IL1RAPL1: variants seen among roughly 807,000 people sequenced by gnomAD.
The protein encoded by IL1RAPL1 is interleukin 1 receptor accessory protein like 1, also known as interleukin-1 receptor accessory protein-like 1.
In IL1RAPL1, 3 loss-of-function variants were observed where a neutral mutation model predicts 48.4. The observed-to-expected ratio is 0.06, with a 90% CI of 0.03 to 0.16. IL1RAPL1 has a LOEUF of 0.16. Ranked by LOEUF, IL1RAPL1 falls within the 10% of genes least tolerant of loss-of-function variation. The pLI, the probability that IL1RAPL1 is intolerant of heterozygous loss-of-function variation, is 1.00. For missense variants in IL1RAPL1, 349 were observed against 530.6 expected (o/e 0.66, Z 3.36); for synonymous variants, 185 against 187.7 (o/e 0.99, Z 0.12).
At chrX:29,654,913 A>C (rs1925629864) in intron 5 of IL1RAPL1, among the ~76,000 whole-genome samples, 1 of 111,929 alleles carries the variant, frequency 8.9e-6, no homozygotes, top group African/African-American at 3.2e-5. Flanking sequence ...TTACTACAAA[A>C]ATTAAAAATA....
intron 5 of IL1RAPL1, among the ~76,000 whole-genome samples, chrX:29,638,838 C>T (rs913869329): frequency 8.9e-6 from 1 of 111,976 alleles, no homozygotes; most frequent in African/African-American, 3.2e-5. Context: ...CTTCTTTGCC[C>T]GCTACTTACA....
chrX:29,146,659 G>A (rs1274449678), intron 2 of IL1RAPL1, among the ~76,000 whole-genome samples: 1 of 111,941 alleles, frequency 8.9e-6, no homozygotes, highest in Admixed American at 9.6e-5. Flanking sequence ...AATATTTTGA[G>A]CACCTTTTAT....
chrX:29,722,862 T>C (rs1428402552), intron 6 of IL1RAPL1, among the ~76,000 whole-genome samples: 6 of 112,458 alleles, frequency 5.3e-5, no homozygotes, highest in Non-Finnish European at 1.1e-4. Context: ...AATTTTCCAT[T>C]CAGAACATAT....
chrX:29,399,591 T>C (rs1296757673), intron 5 of IL1RAPL1, among the ~76,000 whole-genome samples: 1 of 111,088 alleles, frequency 9.0e-6, no homozygotes, highest in Non-Finnish European at 1.9e-5. Context: ...GAGGCCAAGG[T>C]GGGCGAATCA....
At chrX:29,500,958 T>G (rs1026699077) in intron 5 of IL1RAPL1, among the ~76,000 whole-genome samples, 5 of 112,010 alleles carry the variant, frequency 4.5e-5, no homozygotes, top group African/African-American at 1.6e-4. Flanking sequence ...TTGCCAGTGT[T>G]TGTTAGTCCC....
chrX:28,977,496 A>G (rs1044598717), intron 2 of IL1RAPL1, among the ~76,000 whole-genome samples: 1 of 112,082 alleles, frequency 8.9e-6, no homozygotes, highest in Non-Finnish European at 1.9e-5. Flanking sequence ...ACTCTGCCCC[A>G]TGATCCAGTC....
intron 6 of IL1RAPL1, among the ~76,000 whole-genome samples, chrX:29,750,730 A>T (rs1297859442): frequency 8.9e-6 from 1 of 112,119 alleles, no homozygotes; most frequent in Non-Finnish European, 1.9e-5. Flanking sequence ...GATACATTCT[A>T]TAATTACATC....
At chrX:29,015,284 A>G (rs765831455) in intron 2 of IL1RAPL1, among the ~76,000 whole-genome samples, 90 of 111,547 alleles carry the variant, frequency 8.1e-4, no homozygotes, top group Non-Finnish European at 7.4e-4. Context: ...TTTTAACTCT[A>G]TAATGGTAAT....
At chrX:29,604,859 G>A (rs1005837111) in intron 5 of IL1RAPL1, among the ~76,000 whole-genome samples, 9 of 110,099 alleles carry the variant, frequency 8.2e-5, no homozygotes, top group African/African-American at 1.3e-4. Flanking sequence ...AATACAACCC[G>A]TATTTTTTTC....
intron 2 of IL1RAPL1, among the ~76,000 whole-genome samples, chrX:28,978,505 G>T (rs998918527): frequency 9.0e-6 from 1 of 111,691 alleles, no homozygotes; most frequent in Non-Finnish European, 1.9e-5. Flanking sequence ...AATTCCAAAG[G>T]CCAGATTGTA....
At chrX:28,971,415 G>A (rs1344920002) in intron 2 of IL1RAPL1, among the ~76,000 whole-genome samples, 1 of 112,092 alleles carries the variant, frequency 8.9e-6, no homozygotes, top group Admixed American at 9.5e-5. Context: ...GTCAAAGGGA[G>A]TGTGATGCCA....
intron 5 of IL1RAPL1, among the ~76,000 whole-genome samples, chrX:29,452,438 G>T (rs776002531): frequency 9.0e-6 from 1 of 111,711 alleles, no homozygotes; most frequent in Non-Finnish European, 1.9e-5. Context: ...TGAAGTCATT[G>T]CCAGGGAATA....
At chrX:29,457,391 C>A (rs760908024) in intron 5 of IL1RAPL1, among the ~76,000 whole-genome samples, 1 of 110,964 alleles carries the variant, frequency 9.0e-6, no homozygotes, top group Non-Finnish European at 1.9e-5. Flanking sequence ...TGTTTATGTT[C>A]ATGTGTGCTC....
At chrX:28,891,248 G>T (rs1248991183) in intron 2 of IL1RAPL1, among the ~76,000 whole-genome samples, 1 of 111,431 alleles carries the variant, frequency 9.0e-6, no homozygotes, top group African/African-American at 3.3e-5. Flanking sequence ...TACTCAACAG[G>T]TGTTTATTAA....
chrX:28,594,675 C>T (rs1933936843), intron 1 of IL1RAPL1, among the ~76,000 whole-genome samples: 1 of 112,026 alleles, frequency 8.9e-6, no homozygotes, highest in African/African-American at 3.2e-5. Flanking sequence ...TGGCATACAG[C>T]ATTATTTTTT....
At chrX:28,957,331 A>G (rs1416472713) in intron 2 of IL1RAPL1, among the ~76,000 whole-genome samples, 1 of 111,860 alleles carries the variant, frequency 8.9e-6, no homozygotes, top group Non-Finnish European at 1.9e-5. Context: ...GACACATAAG[A>G]ATGACAATTT....
intron 1 of IL1RAPL1, among the ~76,000 whole-genome samples, chrX:28,628,795 C>A (rs1343353128): frequency 8.9e-6 from 1 of 112,154 alleles, no homozygotes; most frequent in Non-Finnish European, 1.9e-5. Flanking sequence ...ATACACACAT[C>A]GTTTCTCTGA....
At chrX:29,295,633 A>G (rs1294536262) in intron 3 of IL1RAPL1, among the ~76,000 whole-genome samples, 1 of 111,815 alleles carries the variant, frequency 8.9e-6, no homozygotes, top group African/African-American at 3.3e-5. Context: ...TTTGTCAGGG[A>G]AAAGTCCAAT....
At chrX:29,271,207 C>T (rs752297050) in intron 2 of IL1RAPL1, among the ~76,000 whole-genome samples, 7 of 111,863 alleles carry the variant, frequency 6.3e-5, no homozygotes, top group South Asian at 7.4e-4. Flanking sequence ...CTCTTCTTTA[C>T]GGCTGTGTAG....
Sources: allele counts gnomAD v4.1 joint callset (sites outside exome capture counted in the v4.1 genomes callset), GRCh38; gene constraint gnomAD v4.1.1; transcripts MANE v1.5; gene names NCBI Gene and HGNC (gene_info 2026-07-23, HGNC 2026-07-21).